JMY: variants seen among roughly 807,000 people sequenced by gnomAD.
JMY encodes the protein junction-mediating and -regulatory protein.
JMY carries 46 observed loss-of-function variants against 103.3 expected under a neutral mutation model. The ratio of observed to expected loss-of-function variants is 0.45; its 90% CI spans 0.35 to 0.57. JMY has a LOEUF of 0.57. Ranked by LOEUF, JMY falls within the 20% of genes least tolerant of loss-of-function variation. The pLI is 0.00. For missense variants in JMY, 1,238 were observed against 1,255.2 expected, an observed-to-expected ratio of 0.99 and a Z score of 0.21; for synonymous variants, 526 against 489.3, an observed-to-expected ratio of 1.07 and a Z score of -0.99.
At position 79,324,238 on chromosome 5, in the gene JMY, C is replaced by T. The variant is rs1300471608; in HGVS notation, c.*2636C>T. The T allele has an allele frequency of 6.6e-6, 1 of 152,070 alleles. No individual in the cohort carries two copies. The highest frequency in any genetic ancestry group is 2.4e-5 in the African/African-American group (1 of 41,400). The allele number at this position is 152,070 out of a possible 1,614,324, so 9.4% of individuals were successfully genotyped here. A position where few individuals can be genotyped will look rare whatever the true frequency, so the allele number is the denominator to read the frequency against. On this transcript the variant is annotated 3_prime_UTR_variant, in exon 11 of 11. Coordinates refer to ENST00000396137, the MANE Select transcript of JMY (RefSeq NM_152405.5). The stretch of plus-strand genomic sequence containing the variant: ...GTTAAATGTCCTTTTTTCTTCTTGC[C>T]TCTAATAAAATCAGGATCTTCGGCC...
chr5:79,267,586 T>C (rs192216347), intron 1 of JMY, among the ~76,000 whole-genome samples: 5 of 152,356 alleles, frequency 3.3e-5, no homozygotes, highest in Admixed American at 3.3e-4. Context: ...TTAAAAAATA[T>C]TTATTTTTTA....
At chr5:79,297,927 T>G (rs1342799968) in intron 4 of JMY, among the ~76,000 whole-genome samples, 1 of 152,206 alleles carries the variant, frequency 6.6e-6, no homozygotes, top group African/African-American at 2.4e-5. Context: ...TGATATTGAG[T>G]GTGTGCTGGT....
chr5:79,237,058 G>A lies in JMY; in HGVS notation c.408G>A (p.Ala136=), dbSNP rs1223875762. 4.8e-5 allele frequency: 73 copies of A among 1,530,350 alleles called. No homozygotes were observed. Among genetic ancestry groups the A allele is most frequent in the Non-Finnish European group, 6.4e-5 (73 of 1,134,414 alleles). The allele number at this position is 1,530,350 out of a possible 1,614,324, so 94.8% of individuals were successfully genotyped here. A position where few individuals can be genotyped will look rare whatever the true frequency, so the allele number is the denominator to read the frequency against. The change falls in exon 1 of 11, where the codon GCG becomes GCA. Residue 136 remains alanine (A), a synonymous_variant. Transcript: ENST00000396137. ...PRLRSPGSKG[A]ESRLRSPVRA... is the part of the protein sequence containing the mutation. ...TGCGGAGTCCTGGCAGCAAAGGGGCGGAGAGTCGTCTTAGGAGCCCAGTGC... is the reference window on the plus strand; with the variant it reads ...TGCGGAGTCCTGGCAGCAAAGGGGCAGAGAGTCGTCTTAGGAGCCCAGTGC...
intron 1 of JMY, among the ~76,000 whole-genome samples, chr5:79,247,151 T>C (rs2112047460): frequency 6.6e-6 from 1 of 152,302 alleles, no homozygotes; most frequent in East Asian, 1.9e-4. Context: ...TGTTGTCCAA[T>C]TGAAATATAT....
At chr5:79,262,519 G>A (rs760042117) in intron 1 of JMY, among the ~76,000 whole-genome samples, 5 of 152,146 alleles carry the variant, frequency 3.3e-5, no homozygotes, top group African/African-American at 9.7e-5. Context: ...CGGTTTACAC[G>A]AAAGTCTAAT....
At chr5:79,256,490 C>A (rs954585701) in intron 1 of JMY, among the ~76,000 whole-genome samples, 3 of 152,180 alleles carry the variant, frequency 2.0e-5, no homozygotes, top group African/African-American at 7.2e-5. Flanking sequence ...TCGCCCCACC[C>A]CATAGCTACC....
chr5:79,290,709 C>T (rs554658564), intron 3 of JMY, among the ~76,000 whole-genome samples: 10 of 152,230 alleles, frequency 6.6e-5, no homozygotes, highest in African/African-American at 2.4e-4. Context: ...AAATGTCGGC[C>T]GGGCACGGTG....
intron 1 of JMY, among the ~76,000 whole-genome samples, chr5:79,246,649 G>A (rs1246133777): frequency 1.3e-5 from 2 of 152,118 alleles, no homozygotes; most frequent in African/African-American, 2.4e-5. Context: ...TTGGGAGGCC[G>A]AGGCAGGCGG....
At chr5:79,274,040 A>T (rs1014535225) in intron 1 of JMY, among the ~76,000 whole-genome samples, 7 of 152,120 alleles carry the variant, frequency 4.6e-5, no homozygotes, top group Non-Finnish European at 8.8e-5. Flanking sequence ...CATGTTAACC[A>T]GGATGGTCTC....
chr5:79,247,556 A>G (rs1238149802), intron 1 of JMY, among the ~76,000 whole-genome samples: 1 of 152,158 alleles, frequency 6.6e-6, no homozygotes, highest in Admixed American at 6.5e-5. Flanking sequence ...AGCTCAAGCC[A>G]TCTGCCTGCC....
At chr5:79,284,163 C>T in intron 2 of JMY, 1 of 1,568,258 alleles carries the variant, frequency 6.4e-7, no homozygotes, top group Non-Finnish European at 8.6e-7. Flanking sequence ...TGGTTCAAAA[C>T]CATCAGCTCG....
At chr5:79,288,687 T>G (rs887355564) in intron 2 of JMY, among the ~76,000 whole-genome samples, 6 of 152,020 alleles carry the variant, frequency 3.9e-5, no homozygotes, top group African/African-American at 1.2e-4. Context: ...TTTGTTTTTT[T>G]GGTATTCTAA....
At chr5:79,274,561 CCA>C (rs1281504430) in intron 1 of JMY, among the ~76,000 whole-genome samples, 3 of 152,168 alleles carry the variant, frequency 2.0e-5, no homozygotes, top group South Asian at 2.1e-4. Flanking sequence ...GTGTGCTCCT[CCA>C]CACCTGGCTA....
intron 1 of JMY, among the ~76,000 whole-genome samples, chr5:79,256,112 G>T (rs1745236156): frequency 6.6e-6 from 1 of 152,230 alleles, no homozygotes; most frequent in African/African-American, 2.4e-5. Flanking sequence ...GTGTTCTATT[G>T]TATGGCAGCT....
chr5:79,286,517 C>T (rs988985481), intron 2 of JMY, among the ~76,000 whole-genome samples: 1 of 151,894 alleles, frequency 6.6e-6, no homozygotes, highest in Non-Finnish European at 1.5e-5. Context: ...GTGGCGTGCT[C>T]GTGCAATCCC....
chr5:79,300,795 A>G lies in JMY; in HGVS notation c.1813A>G (p.Lys605Glu), dbSNP rs1411950114. The G allele has an allele frequency of 8.1e-6, 13 of 1,611,582 alleles. No homozygotes were observed. Among genetic ancestry groups the G allele is most frequent in the Non-Finnish European group, 1.1e-5 (13 of 1,179,132 alleles). ...AGAAGAGCTGCAGAAACTTCAGCAG[A>G]AAGCACGCCAGCTGGAAGCAAGACG... ...QREELQKLQQ[K>E]ARQLEARRGR... Residue 605 changes from lysine (K) to glutamate (E), a missense_variant, in exon 6 of 11, where the codon AAA (lysine) becomes GAA (glutamate). Lys to Glu is a moderately conservative substitution (Grantham distance 56). Coordinates refer to ENST00000396137, the MANE Select transcript of JMY (RefSeq NM_152405.5).
chr5:79,280,762 CT>C (rs1422221154), intron 2 of JMY, among the ~76,000 whole-genome samples: 1 of 151,890 alleles, frequency 6.6e-6, no homozygotes, highest in Non-Finnish European at 1.5e-5. Flanking sequence ...GATAAGAAAA[CT>C]AATATTGGGA....
In JMY at chr5:79,291,292, A is replaced by G. The variant is rs1355817317; in HGVS notation, c.1520A>G (p.Lys507Arg). ...ICLEQRKHAL[K>R]EEMQSLRGGT... ...TTGGAACAGCGGAAACATGCACTAA[A>G]GGAAGAGGTAACAAAAATCATCAGA... Residue 507 changes from lysine (K) to arginine (R), a missense_variant, in exon 4 of 11, where the codon AAG becomes AGG. Coordinates refer to ENST00000396137, the MANE Select transcript of JMY (RefSeq NM_152405.5). The G allele has an allele frequency of 1.3e-6, 2 of 1,552,180 alleles. No individual in the cohort carries two copies. The highest frequency in any genetic ancestry group is 2.8e-5 in the African/African-American group (2 of 72,110).
intron 1 of JMY, among the ~76,000 whole-genome samples, chr5:79,265,780 CTTTTTTTTT>C (rs34354467): frequency 8.6e-6 from 1 of 116,206 alleles, no homozygotes; most frequent in South Asian, 3.0e-4. Flanking sequence ...TGTGATGATT[CTTTTTTTTT>C]TTTTTTTTTT....
Sources: gnomAD v4.1 joint callset for allele counts (sites outside exome capture counted in the v4.1 genomes callset) on GRCh38, gnomAD v4.1.1 for gene constraint, MANE v1.5 for transcripts, NCBI Gene and HGNC (gene_info 2026-07-23, HGNC 2026-07-21) for gene names.